Variants in OTOA observed in about 807,000 individuals in gnomAD.
OTOA encodes the protein cancer/testis antigen 108.
OTOA carries 70 observed loss-of-function variants against 110.8 expected under a neutral mutation model. The observed-to-expected ratio is 0.63, with a 90% confidence interval of 0.52 to 0.77. OTOA has a LOEUF of 0.77. OTOA is among the 30% of genes least tolerant of loss of function. The probability of loss-of-function intolerance (pLI) is 0.00; values close to 1 mark genes in which losing one functional copy is unlikely to be tolerated. For synonymous variants in OTOA, 373 were observed against 431.5 expected (o/e 0.86, Z 1.68); for missense variants, 917 against 1,075.8 (o/e 0.85, Z 2.06).
chr16:21,700,889 T>C lies in OTOA; in HGVS notation c.842T>C (p.Ile281Thr), dbSNP rs375255488. The change falls in exon 11 of 29, where the codon ATT becomes ACT. Residue 281 changes from isoleucine (I) to threonine (T), a missense_variant and splice_region_variant. Ile to Thr is a moderately conservative substitution (Grantham distance 89). Coordinates refer to ENST00000646100, the MANE Select transcript of OTOA (RefSeq NM_144672.4). Reference sequence around the variant, plus strand: ...TTCTCGTCCTTGTCCACCAACTAGATTGGGCTGTTTATCAGCTATGACAAC... The same window carrying C: ...TTCTCGTCCTTGTCCACCAACTAGACTGGGCTGTTTATCAGCTATGACAAC... ...EEITKISPIE[I>T]GLFISYDNAT... 6.2e-7 allele frequency: 1 copy of C among 1,613,886 alleles called. No homozygotes were observed. The highest frequency in any genetic ancestry group is 1.3e-5 in the African/African-American group (1 of 74,878).
chr16:21,671,385 G>A (rs553168007), intron 1 of OTOA, among the ~76,000 whole-genome samples: 3 of 151,848 alleles, frequency 2.0e-5, no homozygotes, highest in Admixed American at 1.3e-4. Flanking sequence ...TCAGGAGTTC[G>A]AGATCAGCCT....
intron 1 of OTOA, among the ~76,000 whole-genome samples, chr16:21,666,170 G>A (rs1966840050): frequency 6.6e-6 from 1 of 151,410 alleles, no homozygotes; most frequent in Non-Finnish European, 1.5e-5. Flanking sequence ...CCAACACCAA[G>A]CATTTGTAAT....
At chr16:21,701,633 T>A (rs1308160286) in intron 11 of OTOA, among the ~76,000 whole-genome samples, 1 of 152,146 alleles carries the variant, frequency 6.6e-6, no homozygotes, top group Non-Finnish European at 1.5e-5. Flanking sequence ...TTATTTATTT[T>A]TTTGAGACAG....
intron 6 of OTOA, among the ~76,000 whole-genome samples, chr16:21,682,336 A>T (rs1966907341): frequency 6.6e-6 from 1 of 152,234 alleles, no homozygotes; most frequent in Non-Finnish European, 1.5e-5. Context: ...CGCAAGTTAC[A>T]CAATTCCCTC....
At chr16:21,731,831 C>G in intron 21 of OTOA, among the ~76,000 whole-genome samples, 1 of 152,236 alleles carries the variant, frequency 6.6e-6, no homozygotes, top group East Asian at 1.9e-4. Context: ...ACATGCTCAG[C>G]AGGGCCTGAA....
chr16:21,681,758 A>T lies in OTOA; in HGVS notation c.200A>T (p.Asp67Val). The change falls in exon 6 of 29, where the codon GAC (aspartate) becomes GTC (valine). Residue 67 changes from aspartate (D) to valine (V), a missense_variant. Transcript: ENST00000646100. Reference sequence around the variant, plus strand: ...TGAAGCTCCCACGTGTGGACGGATGACCTGTCCCACAGAGTCCTGGCCTAT... The same window carrying T: ...TGAAGCTCCCACGTGTGGACGGATGTCCTGTCCCACAGAGTCCTGGCCTAT... ...QFQSSHVWTD[D>V]LSHRVLAYLN... 6.2e-7 allele frequency: 1 copy of T among 1,613,892 alleles called. No individual in the cohort carries two copies. The highest frequency in any genetic ancestry group is 2.2e-5 in the East Asian group (1 of 44,878).
chr16:21,671,163 CTT>C (rs1032089371), intron 1 of OTOA, among the ~76,000 whole-genome samples: 1 of 152,144 alleles, frequency 6.6e-6, no homozygotes, highest in Non-Finnish European at 1.5e-5. Context: ...ACAGAGCTGA[CTT>C]TGTGTCAAGC....
chr16:21,697,972 C>G (rs1479905137), intron 10 of OTOA, 97 bp downstream of exon 10: 2 of 1,113,678 alleles, frequency 1.8e-6, no homozygotes, highest in Middle Eastern at 2.1e-4. Flanking sequence ...AGTCAAGGTG[C>G]CTTGGAAATT....
intron 21 of OTOA, among the ~76,000 whole-genome samples, chr16:21,733,458 C>T (rs62045970): frequency 0.21 from 31,507 of 151,854 alleles, 3,744 homozygotes; most frequent in Non-Finnish European, 0.27. Flanking sequence ...CTCTTAGGTA[C>T]AGCCAGGGTT....
chr16:21,706,847 CA>C (rs1441913874), intron 12 of OTOA, among the ~76,000 whole-genome samples: 12 of 114,274 alleles, frequency 1.1e-4, no homozygotes, highest in African/African-American at 3.7e-4. Flanking sequence ...TTATAAGATT[CA>C]TTTTTTTTTT....
chr16:21,736,195 C>G, intron 21 of OTOA, 66 bp from the exon 22 acceptor site: 1 of 1,474,796 alleles, frequency 6.8e-7, no homozygotes. Flanking sequence ...AGTTTCAACT[C>G]TAATTTCAAT....
At chr16:21,688,894 T>C (rs1329665671) in intron 8 of OTOA, among the ~76,000 whole-genome samples, 37 of 152,176 alleles carry the variant, frequency 2.4e-4, no homozygotes, top group Admixed American at 2.4e-3. Flanking sequence ...TCTTGTTCCA[T>C]TGATTTAAAA....
chr16:21,729,058 G>A (rs949114564), intron 20 of OTOA, among the ~76,000 whole-genome samples: 2 of 151,728 alleles, frequency 1.3e-5, no homozygotes, highest in Admixed American at 1.3e-4. Flanking sequence ...TTTTTAAATG[G>A]GGTCTCGCTC....
At chr16:21,730,668 T>C in intron 20 of OTOA, 169 bp from the exon 21 acceptor site, 1 of 587,946 alleles carries the variant, frequency 1.7e-6, no homozygotes, top group South Asian at 1.9e-5. Flanking sequence ...ATGACTCTGA[T>C]TGGTCAGCCT....
At chr16:21,664,700 C>T (rs1397025977) in intron 1 of OTOA, among the ~76,000 whole-genome samples, 2 of 151,836 alleles carry the variant, frequency 1.3e-5, no homozygotes, top group Admixed American at 1.3e-4. Flanking sequence ...AGGTAAAGGC[C>T]GGGGCTCACA....
intron 19 of OTOA, among the ~76,000 whole-genome samples, chr16:21,727,830 C>T (rs915379687): frequency 6.6e-6 from 1 of 151,612 alleles, no homozygotes; most frequent in Admixed American, 6.6e-5. Flanking sequence ...CAGTTAAGAT[C>T]CTGGAATCTT....
In OTOA at chr16:21,719,604, T is replaced by C. The variant is rs191626955; in HGVS notation, c.1806+100T>C. On this transcript the variant is annotated intron_variant, in intron 17 of 28. Transcript: ENST00000646100. Reference sequence around the variant, plus strand: ...TCTAAAGATCTTTATGCCAGAATCATTCAGACGCAAGTGATGACTTAGGGC... The same window carrying C: ...TCTAAAGATCTTTATGCCAGAATCACTCAGACGCAAGTGATGACTTAGGGC... 8 of 1,158,898 alleles carry C rather than the reference T, an allele frequency of 6.9e-6. No individual in the cohort carries two copies. The African/African-American group carries it at 1.1e-4, about 15-fold the overall frequency. 71.8% of individuals were successfully genotyped at this position (1,158,898 alleles called of 1,614,324 possible).
intron 9 of OTOA, among the ~76,000 whole-genome samples, chr16:21,694,043 C>T (rs956514967): frequency 6.6e-6 from 1 of 152,148 alleles, no homozygotes. Flanking sequence ...AATGAGCATG[C>T]CTGTGTCCCA....
At position 21,697,778 on chromosome 16, in the gene OTOA, ACTCTG is replaced by A. The variant is rs777495976; in HGVS notation, c.746_750del (p.Ser249PhefsTer21). ...TTCATTTCTTTATTTTTTGTAGATG[ACTCTG>A]CTTCATGGGTCAGTGCGGAACACTT... is the stretch of plus-strand genomic sequence containing the variant. On this transcript the variant is annotated frameshift_variant, in exon 10 of 29. Coordinates refer to ENST00000646100, the MANE Select transcript of OTOA (RefSeq NM_144672.4). LOFTEE classifies it high-confidence loss of function. 5 of 1,613,864 alleles carry A rather than the reference ACTCTG, an allele frequency of 3.1e-6. No individual in the cohort carries two copies. In the South Asian group the frequency reaches 5.5e-5, roughly 18 times the overall value.
Sources: allele counts gnomAD v4.1 joint callset (sites outside exome capture counted in the v4.1 genomes callset), GRCh38; gene constraint gnomAD v4.1.1; transcripts MANE v1.5; gene names NCBI Gene and HGNC (gene_info 2026-07-23, HGNC 2026-07-21).